The following CACNA1E variants were observed in gnomAD, a reference collection of about 807,000 sequenced individuals.
CACNA1E encodes voltage-dependent R-type calcium channel subunit alpha-1E.
A neutral mutation model predicts 259.2 loss-of-function variants in CACNA1E; 40 were observed. That is an observed-to-expected ratio of 0.15 (90% confidence interval 0.12 to 0.20). CACNA1E has a LOEUF of 0.20. Among genes scored for constraint, CACNA1E ranks in the 10% least tolerant of loss-of-function variants. CACNA1E has a pLI of 1.00. For missense variants in CACNA1E, 1,874 were observed against 3,040.1 expected, an observed-to-expected ratio of 0.62 and a Z score of 9.02; for synonymous variants, 1,104 against 1,138.5, an observed-to-expected ratio of 0.97 and a Z score of 0.61.
intron 6 of CACNA1E, among the ~76,000 whole-genome samples, chr1:181,634,640 T>G (rs1657039788): frequency 6.6e-6 from 1 of 152,196 alleles, no homozygotes; most frequent in South Asian, 2.1e-4. Flanking sequence ...CATCTTGGCT[T>G]TATTCGGGAG....
intron 1 of CACNA1E, among the ~76,000 whole-genome samples, chr1:181,337,145 A>T (rs1245710528): frequency 6.6e-6 from 1 of 151,038 alleles, no homozygotes; most frequent in Admixed American, 6.6e-5. Context: ...TGGTAGGAGC[A>T]CTTAGAATCT....
chr1:181,660,590 C>T (rs1647555469), intron 7 of CACNA1E, among the ~76,000 whole-genome samples: 1 of 152,196 alleles, frequency 6.6e-6, no homozygotes, highest in African/African-American at 2.4e-5. Flanking sequence ...AGTGTTAAAC[C>T]TTGCATCTCC....
At chr1:181,375,082 T>C (rs1275193289) in intron 1 of CACNA1E, among the ~76,000 whole-genome samples, 2 of 152,188 alleles carry the variant, frequency 1.3e-5, no homozygotes, top group African/African-American at 2.4e-5. Context: ...TGAAGTGGGC[T>C]TCAGTTTTGG....
rs1331068778 is a variant in CACNA1E, at chr1:181,798,806, G to A, written c.6914G>A (p.Ser2305Asn). 2.0e-6 allele frequency: 3 copies of A among 1,536,198 alleles called. No individual in the cohort carries two copies. The highest frequency in any genetic ancestry group is 2.6e-6 in the Non-Finnish European group (3 of 1,141,896). The change falls in exon 48 of 48, where the codon AGT becomes AAT. Residue 2305 changes from serine (S) to asparagine (N), a missense_variant. This residue lies in a region of CACNA1E where 542 missense variants were observed against 587.2 expected (regional missense o/e 0.92). Transcript: ENST00000367573. This position sits in a 1 kb window ranked among gnomAD's most constrained non-coding sequence, Gnocchi z 4.2. ...TGTGGGGCTGTCAACAACCTGCTAA[G>A]TGACACGGAAGAAGATGACAAATGC... Reference protein sequence around the residue: ...MMCGAVNNLLSDTEEDDKC With the variant: ...MMCGAVNNLLNDTEEDDKC
intron 34 of CACNA1E, among the ~76,000 whole-genome samples, chr1:181,764,411 CTTATT>C (rs1251845205): frequency 2.0e-5 from 3 of 152,138 alleles, no homozygotes; most frequent in Non-Finnish European, 4.4e-5. Flanking sequence ...AATTGACTTT[CTTATT>C]TTAATTATTT....
intron 39 of CACNA1E, 44 bp from the exon 40 acceptor site, chr1:181,783,635 T>C (rs746054172): frequency 1.1e-6 from 1 of 916,022 alleles, no homozygotes; most frequent in Admixed American, 2.4e-5. Context: ...GTCTTTCAAT[T>C]TTTTTTTTTT....
intron 43 of CACNA1E, among the ~76,000 whole-genome samples, chr1:181,788,357 T>C (rs1661018996): frequency 6.6e-6 from 1 of 152,142 alleles, no homozygotes; most frequent in African/African-American, 2.4e-5. Context: ...TCAGTAGAGG[T>C]TGATCTAGGG....
chr1:181,465,701 C>G (rs1042642799), intron 2 of CACNA1E, among the ~76,000 whole-genome samples: 1 of 151,970 alleles, frequency 6.6e-6, no homozygotes, highest in East Asian at 1.9e-4. Flanking sequence ...ATCTTTTTTT[C>G]ATTTCATTGC....
At chr1:181,582,031 G>T (rs1034778660) in intron 6 of CACNA1E, among the ~76,000 whole-genome samples, 3 of 152,150 alleles carry the variant, frequency 2.0e-5, no homozygotes, top group African/African-American at 7.2e-5. Context: ...GAAACTCGAC[G>T]AGACTATAAT....
Position 181,795,152 on chromosome 1 carries a change from G to A in CACNA1E, c.6208+108G>A, listed in dbSNP as rs904608277. The A allele has an allele frequency of 1.2e-5, 11 of 953,958 alleles. No individual in the cohort carries two copies. The African/African-American group carries it at 1.2e-4, about 10-fold the overall frequency. 59.1% of individuals were successfully genotyped at this position (953,958 alleles called of 1,614,324 possible). On this transcript the variant is annotated intron_variant, in intron 46 of 47. Transcript: ENST00000367573. ...AACCAGAAAAGAATTCAGAGACAAG[G>A]GCTGAAGAAAGTGAAGGATGCTCCT...
chr1:181,401,776 A>C (rs1180362268), intron 1 of CACNA1E, among the ~76,000 whole-genome samples: 1 of 152,202 alleles, frequency 6.6e-6, no homozygotes, highest in Admixed American at 6.5e-5. Flanking sequence ...TGGCAGGAGG[A>C]AGTGGCAGCC....
intron 6 of CACNA1E, among the ~76,000 whole-genome samples, chr1:181,630,062 A>G (rs1656568113): frequency 6.6e-6 from 1 of 152,178 alleles, no homozygotes; most frequent in Non-Finnish European, 1.5e-5. Flanking sequence ...ATGTGCATGA[A>G]GATAGGTGGG....
At chr1:181,378,153 ATCCT>A (rs1557954620) in intron 1 of CACNA1E, among the ~76,000 whole-genome samples, 6 of 152,226 alleles carry the variant, frequency 3.9e-5, no homozygotes, top group South Asian at 4.1e-4. Context: ...GCTTGGGCTG[ATCCT>A]TCCTTCAATT....
chr1:181,681,914 C>T (rs775624817), intron 7 of CACNA1E, among the ~76,000 whole-genome samples: 1 of 152,222 alleles, frequency 6.6e-6, no homozygotes, highest in Admixed American at 6.5e-5. Context: ...GAAGCAGCTT[C>T]TCTCTGACCT....
chr1:181,438,888 TA>T (rs200042726), intron 2 of CACNA1E, among the ~76,000 whole-genome samples: 4,954 of 152,292 alleles, frequency 0.033, 287 homozygotes, highest in African/African-American at 0.11. Flanking sequence ...TTACTTGTGA[TA>T]GCAGGGACTT....
At chr1:181,662,697 T>C (rs1402556287) in intron 7 of CACNA1E, among the ~76,000 whole-genome samples, 1 of 152,222 alleles carries the variant, frequency 6.6e-6, no homozygotes, top group African/African-American at 2.4e-5. Flanking sequence ...GAGCCTGGTT[T>C]ACACTCAGTA....
chr1:181,366,031 G>C (rs1654244350), intron 1 of CACNA1E, among the ~76,000 whole-genome samples: 1 of 152,146 alleles, frequency 6.6e-6, no homozygotes, highest in African/African-American at 2.4e-5. Flanking sequence ...GAGGTGTTCT[G>C]TTACTCTGAC....
At chr1:181,385,581 C>G (rs577579947) in intron 1 of CACNA1E, among the ~76,000 whole-genome samples, 6 of 152,208 alleles carry the variant, frequency 3.9e-5, no homozygotes, top group Non-Finnish European at 7.3e-5. Flanking sequence ...CAAAGCTAGA[C>G]GGCTTGCTGC....
At chr1:181,733,357 C>T (rs574452917) in intron 20 of CACNA1E, 80 bp from the exon 21 acceptor site, 69 of 1,278,966 alleles carry the variant, frequency 5.4e-5, no homozygotes, top group Middle Eastern at 4.3e-4. Flanking sequence ...TGAGCTTCCC[C>T]GCCTTCCCCT....
Sources: allele counts gnomAD v4.1 joint callset (sites outside exome capture counted in the v4.1 genomes callset), GRCh38; gene constraint gnomAD v4.1.1; regional missense constraint gnomAD v4.1.1; non-coding constraint Gnocchi (gnomAD v3.1); transcripts MANE v1.5; gene names NCBI Gene and HGNC (gene_info 2026-07-23, HGNC 2026-07-21).